PTPN2: variants seen among roughly 807,000 people sequenced by gnomAD.
The protein encoded by PTPN2 is tyrosine-protein phosphatase non-receptor type 2.
PTPN2 carries 19 observed loss-of-function variants against 57.3 expected under a neutral mutation model. The ratio of observed to expected loss-of-function variants is 0.33; its 90% confidence interval spans 0.23 to 0.49. The LOEUF is 0.49. Among genes scored for constraint, PTPN2 ranks in the 20% least tolerant of loss-of-function variants. PTPN2 has a pLI of 0.99. For missense variants in PTPN2, 358 were observed against 501.1 expected, an observed-to-expected ratio of 0.71 and a Z score of 2.73; for synonymous variants, 153 against 164.9, an observed-to-expected ratio of 0.93 and a Z score of 0.55.
chr18:12,855,081 G>C (rs2043538164), intron 2 of PTPN2, among the ~76,000 whole-genome samples: 1 of 152,216 alleles, frequency 6.6e-6, no homozygotes, highest in Non-Finnish European at 1.5e-5. Flanking sequence ...AAAAGTCACA[G>C]AGAAGGAAAC....
intron 2 of PTPN2, among the ~76,000 whole-genome samples, chr18:12,858,556 T>C (rs78406412): frequency 2.3e-5 from 3 of 131,320 alleles, no homozygotes; most frequent in African/African-American, 8.0e-5. Flanking sequence ...TAAAAATTGT[T>C]TATAATAAAA....
intron 2 of PTPN2, among the ~76,000 whole-genome samples, chr18:12,840,284 A>G (rs2042999893): frequency 6.6e-6 from 1 of 152,234 alleles, no homozygotes. Flanking sequence ...TCCTGCAAGT[A>G]AAATAGTCGA....
chr18:12,841,677 A>G (rs1349224531), intron 2 of PTPN2, among the ~76,000 whole-genome samples: 3 of 152,172 alleles, frequency 2.0e-5, no homozygotes. Context: ...AAGATCCTAA[A>G]CTTGACAGGA....
chr18:12,878,671 C>CA (rs950639206), intron 1 of PTPN2, among the ~76,000 whole-genome samples: 2 of 151,644 alleles, frequency 1.3e-5, no homozygotes, highest in African/African-American at 2.4e-5. Flanking sequence ...GACTTGGTTT[C>CA]AAAAAAAGAA....
chr18:12,801,814 C>A, intron 8 of PTPN2, 156 bp downstream of exon 8: 2 of 714,158 alleles, frequency 2.8e-6, no homozygotes, highest in African/African-American at 1.8e-5. Context: ...AGTGATCTTC[C>A]CTCCTTGGCC....
rs376808613 is a variant in PTPN2 at position 12,883,988 on chromosome 18, G to C, written c.69+85C>G. The stretch of plus-strand genomic sequence containing the variant: ...AGCGAGAGGCTAGAGGCGAGAGGCG[G>C]GGGAGGCGGGAGGGACCCTGCGGAC... On this transcript the variant is annotated intron_variant, in intron 1 of 8. Coordinates refer to ENST00000309660, the MANE Select transcript of PTPN2 (RefSeq NM_002828.4). 261 of 1,240,012 alleles carry C rather than the reference G, an allele frequency of 2.1e-4. 5 individuals are homozygous for C. In the East Asian group the frequency reaches 3.0e-3, roughly 14 times the overall value. 76.8% of individuals were successfully genotyped at this position (1,240,012 alleles called of 1,614,324 possible). A position where few individuals can be genotyped will look rare whatever the true frequency, so the allele number is the denominator to read the frequency against.
intron 5 of PTPN2, among the ~76,000 whole-genome samples, chr18:12,822,544 G>A (rs2145338662): frequency 6.6e-6 from 1 of 152,280 alleles, no homozygotes; most frequent in East Asian, 1.9e-4. Context: ...AAGGGCTCCT[G>A]GTATGTCATT....
At chr18:12,833,625 G>A (rs2042745955) in intron 3 of PTPN2, among the ~76,000 whole-genome samples, 1 of 152,156 alleles carries the variant, frequency 6.6e-6, no homozygotes, top group African/African-American at 2.4e-5. Context: ...GCATATTTGG[G>A]AAAAGACAAA....
intron 6 of PTPN2, among the ~76,000 whole-genome samples, chr18:12,814,607 T>C (rs2042003414): frequency 6.6e-6 from 1 of 152,118 alleles, no homozygotes; most frequent in African/African-American, 2.4e-5. Context: ...TCCAAACCAA[T>C]CATAGTAATC....
intron 4 of PTPN2, among the ~76,000 whole-genome samples, chr18:12,829,357 T>C (rs144662447): frequency 8.5e-5 from 13 of 152,060 alleles, no homozygotes; most frequent in Non-Finnish European, 1.5e-4. Flanking sequence ...CTACAAAAAC[T>C]AGCTGGGCAT....
chr18:12,808,781 GAACC>G (rs2041786466), intron 7 of PTPN2, among the ~76,000 whole-genome samples: 1 of 152,082 alleles, frequency 6.6e-6, no homozygotes, highest in Non-Finnish European at 1.5e-5. Context: ...CGTCTCAAAA[GAACC>G]AACCAACCAA....
downstream of PTPN2, among the ~76,000 whole-genome samples, chr18:12,789,247 G>C (rs2542160): frequency 0.29 from 44,146 of 152,094 alleles, 7,448 homozygotes; most frequent in Admixed American, 0.4. Context: ...AGGGCTCTTG[G>C]CAATGCTGTC....
chr18:12,869,972 T>A (rs2044130853), intron 1 of PTPN2, among the ~76,000 whole-genome samples: 1 of 152,094 alleles, frequency 6.6e-6, no homozygotes, highest in Non-Finnish European at 1.5e-5. Flanking sequence ...CACTTACTTA[T>A]AGCCCTTAAT....
At chr18:12,824,667 A>C (rs1331426610) in intron 5 of PTPN2, among the ~76,000 whole-genome samples, 2 of 152,196 alleles carry the variant, frequency 1.3e-5, no homozygotes, top group Non-Finnish European at 2.9e-5. Flanking sequence ...AGGGCAAAAG[A>C]GGTAAATGGC....
intron 8 of PTPN2, among the ~76,000 whole-genome samples, chr18:12,796,707 C>G (rs772786285): frequency 2.0e-5 from 3 of 152,138 alleles, no homozygotes; most frequent in Admixed American, 6.5e-5. Context: ...GAACTTTGTT[C>G]TTGCCGTTTT....
chr18:12,862,279 C>G (rs1426820029), intron 1 of PTPN2: 1 of 152,242 alleles, frequency 6.6e-6, no homozygotes, highest in African/African-American at 2.4e-5. Flanking sequence ...CTGTCTCAGC[C>G]TCTTGAGTAG....
intron 1 of PTPN2, among the ~76,000 whole-genome samples, chr18:12,874,774 C>G (rs1195605890): frequency 6.6e-6 from 1 of 152,176 alleles, no homozygotes; most frequent in East Asian, 1.9e-4. Flanking sequence ...TGAGGAGCCC[C>G]TCTGCCCGGC....
intron 7 of PTPN2, among the ~76,000 whole-genome samples, chr18:12,813,536 A>G (rs2041968130): frequency 6.6e-6 from 1 of 152,224 alleles, no homozygotes; most frequent in Non-Finnish European, 1.5e-5. Flanking sequence ...TGAAAGTGCT[A>G]GTAAATATGT....
At chr18:12,831,082 C>T (rs1257328978) in intron 3 of PTPN2, 41 bp from the exon 4 acceptor site, 11 of 1,413,042 alleles carry the variant, frequency 7.8e-6, no homozygotes, top group Non-Finnish European at 1.0e-5. Flanking sequence ...GGGAAGCAGA[C>T]AGAAAGAGCA....
Sources: gnomAD v4.1 joint callset for allele counts (sites outside exome capture counted in the v4.1 genomes callset) on GRCh38, gnomAD v4.1.1 for gene constraint, MANE v1.5 for transcripts, NCBI Gene and HGNC (gene_info 2026-07-23, HGNC 2026-07-21) for gene names.